Variants in DLGAP2 observed in about 807,000 individuals in gnomAD.
The protein encoded by DLGAP2 is disks large-associated protein 2.
DLGAP2 carries 26 observed loss-of-function variants against 100.3 expected under a neutral mutation model. That is an observed-to-expected ratio of 0.26 (90% CI 0.19 to 0.36). The LOEUF (loss-of-function observed/expected upper bound fraction) is 0.36. Ranked by LOEUF, DLGAP2 falls within the 10% of genes least tolerant of loss-of-function variation. DLGAP2 has a pLI of 1.00. For missense variants in DLGAP2, 1,858 were observed against 1,453.2 expected (o/e 1.28, Z -4.53); for synonymous variants, 886 against 630.1 (o/e 1.41, Z -6.08).
At chr8:1,378,750 A>C (rs6558462) in intron 3 of DLGAP2, among the ~76,000 whole-genome samples, 70,370 of 152,144 alleles carry the variant, frequency 0.46, 17,782 homozygotes, top group African/African-American at 0.67. Flanking sequence ...ATTCTAATTT[A>C]CATTCTCACT....
chr8:1,418,269 C>T (rs1010348380), intron 3 of DLGAP2, among the ~76,000 whole-genome samples: 1 of 152,146 alleles, frequency 6.6e-6, no homozygotes, highest in Non-Finnish European at 1.5e-5. Flanking sequence ...ATAACTAAGT[C>T]ATTTATTAAA....
chr8:901,817 C>T (rs1024368384), intron 1 of DLGAP2, among the ~76,000 whole-genome samples: 1 of 152,244 alleles, frequency 6.6e-6, no homozygotes, highest in South Asian at 2.1e-4. Flanking sequence ...GCATCTCGTA[C>T]GTTGCCAGCC....
In DLGAP2 at chr8:1,165,162, G is replaced by C. The variant is rs1378186046; in HGVS notation, c.74-93689G>C. Among the ~76,000 whole-genome samples, 6 of 135,396 alleles carry C rather than the reference G, an allele frequency of 4.4e-5. No homozygotes were observed. In the Admixed American group the frequency reaches 4.5e-4, roughly 10 times the overall value. The allele number at this position is 135,396 out of a possible 152,430, so 88.8% of individuals were successfully genotyped here. The stretch of plus-strand genomic sequence containing the variant: ...GAAGACAGAGAGGGGGAGAGGAAAG[G>C]AGACAGAGAGAGAGGGAGGGTGGGA... On this transcript the variant is annotated intron_variant, in intron 2 of 14. Transcript: ENST00000637795.
intron 3 of DLGAP2, among the ~76,000 whole-genome samples, chr8:1,500,277 C>T (rs904335690): frequency 2.0e-5 from 3 of 152,200 alleles, no homozygotes; most frequent in Admixed American, 6.5e-5. Context: ...TGGCTGGTGT[C>T]GGGCAGAGCC....
intron 3 of DLGAP2, among the ~76,000 whole-genome samples, chr8:1,447,000 A>T (rs541338902): frequency 3.3e-5 from 5 of 152,210 alleles, no homozygotes; most frequent in African/African-American, 9.6e-5. Context: ...GGGCTGAGAC[A>T]ATGGGGTTTT....
chr8:1,176,739 G>A (rs1175519974), intron 2 of DLGAP2, among the ~76,000 whole-genome samples: 8 of 152,094 alleles, frequency 5.3e-5, no homozygotes, highest in Non-Finnish European at 1.2e-4. Flanking sequence ...GTGCAGCCCC[G>A]TCTGCTGGTC....
intron 3 of DLGAP2, among the ~76,000 whole-genome samples, chr8:1,277,476 G>C (rs147584717): frequency 6.6e-6 from 1 of 152,148 alleles, no homozygotes; most frequent in East Asian, 1.9e-4. Context: ...TCAAATGGGA[G>C]TGGCCAATTT....
chr8:1,174,299 A>G (rs868211997), intron 2 of DLGAP2, among the ~76,000 whole-genome samples: 21 of 152,026 alleles, frequency 1.4e-4, no homozygotes, highest in African/African-American at 4.3e-4. Flanking sequence ...CATCATCACC[A>G]CCGTCATTAC....
At chr8:1,124,213 T>A (rs1796114084) in intron 2 of DLGAP2, among the ~76,000 whole-genome samples, 1 of 152,222 alleles carries the variant, frequency 6.6e-6, no homozygotes, top group South Asian at 2.1e-4. Flanking sequence ...TTGGTTTCCA[T>A]TCTGAAGACA....
intron 2 of DLGAP2, among the ~76,000 whole-genome samples, chr8:973,191 G>A (rs368581192): frequency 8.7e-4 from 133 of 152,212 alleles, no homozygotes; most frequent in South Asian, 3.1e-3. Flanking sequence ...CAGAAGGGGC[G>A]GCCGGGCAGA....
intron 2 of DLGAP2, among the ~76,000 whole-genome samples, chr8:1,033,428 G>A (rs144096126): frequency 0.022 from 3,414 of 152,224 alleles, 140 homozygotes; most frequent in African/African-American, 0.078. Context: ...GCACTTTGAG[G>A]GGCTGAGGCG....
At chr8:1,509,948 G>A (rs1800101697) in intron 4 of DLGAP2, among the ~76,000 whole-genome samples, 1 of 152,154 alleles carries the variant, frequency 6.6e-6, no homozygotes, top group African/African-American at 2.4e-5. Context: ...GCCGCGGAGA[G>A]GAGTCGGTGT....
intron 3 of DLGAP2, among the ~76,000 whole-genome samples, chr8:1,465,011 A>G (rs1798583655): frequency 6.6e-6 from 1 of 152,206 alleles, no homozygotes; most frequent in South Asian, 2.1e-4. Context: ...TCGATGACCA[A>G]ATGTTGGGGG....
chr8:803,364 T>C (rs1796208203), intron 1 of DLGAP2, among the ~76,000 whole-genome samples: 3 of 152,196 alleles, frequency 2.0e-5, no homozygotes, highest in African/African-American at 7.2e-5. Flanking sequence ...CCTTGCTATA[T>C]AGGCTGTAAA....
intron 4 of DLGAP2, among the ~76,000 whole-genome samples, chr8:1,508,139 C>G (rs1393030415): frequency 6.6e-6 from 1 of 151,836 alleles, no homozygotes; most frequent in Admixed American, 6.6e-5. Context: ...TTAGACACAT[C>G]TAACATTTGT....
intron 3 of DLGAP2, among the ~76,000 whole-genome samples, chr8:1,450,980 G>A (rs1332164866): frequency 2.6e-5 from 4 of 152,072 alleles, no homozygotes; most frequent in East Asian, 1.9e-4. Flanking sequence ...TCGTAAGGGC[G>A]CCAGTGACAA....
At chr8:1,064,058 C>CAT (rs528444965) in intron 2 of DLGAP2, among the ~76,000 whole-genome samples, 3,570 of 152,230 alleles carry the variant, frequency 0.023, 126 homozygotes, top group African/African-American at 0.082. Flanking sequence ...ACGGGGTTTG[C>CAT]AGCCCAGGGC....
At chr8:1,534,069 C>G (rs1181523543) in intron 4 of DLGAP2, among the ~76,000 whole-genome samples, 1 of 152,164 alleles carries the variant, frequency 6.6e-6, no homozygotes, top group Non-Finnish European at 1.5e-5. Flanking sequence ...CTGATATATA[C>G]ATTTGGAAAT....
At chr8:1,104,267 C>T (rs563873181) in intron 2 of DLGAP2, among the ~76,000 whole-genome samples, 4 of 152,014 alleles carry the variant, frequency 2.6e-5, no homozygotes, top group East Asian at 1.9e-4. Context: ...GGAGGGTTGA[C>T]GCCAGCCCAG....
Sources: allele counts gnomAD v4.1 joint callset (sites outside exome capture counted in the v4.1 genomes callset), GRCh38; gene constraint gnomAD v4.1.1; transcripts MANE v1.5; gene names NCBI Gene and HGNC (gene_info 2026-07-23, HGNC 2026-07-21).